Variants in TP53I3 observed in about 807,000 individuals in gnomAD.
TP53I3 encodes quinone oxidoreductase PIG3.
A neutral mutation model predicts 27.7 loss-of-function variants in TP53I3; 32 were observed. The observed-to-expected ratio is 1.16, with a 90% confidence interval of 0.87 to 1.55. TP53I3 has a LOEUF of 1.55. Among genes scored for constraint, TP53I3 ranks in the 40% most tolerant of loss-of-function variants. The pLI, the probability that TP53I3 is intolerant of heterozygous loss-of-function variation, is 0.00. For synonymous variants in TP53I3, 138 were observed against 167.8 expected (o/e 0.82, Z 1.37); for missense variants, 372 against 412.3 (o/e 0.90, Z 0.85).
At chr2:24,082,360 G>A (rs1665043475) in intron 2 of TP53I3, among the ~76,000 whole-genome samples, 2 of 152,102 alleles carry the variant, frequency 1.3e-5, no homozygotes, top group South Asian at 4.1e-4. Flanking sequence ...CTTCCAAAAA[G>A]CCTTCTGACT....
chr2:24,082,017 C>A lies in TP53I3; in HGVS notation c.406+868G>T, dbSNP rs188108914. Among the ~76,000 whole-genome samples the A allele has an allele frequency of 7.5e-3, 1,135 of 152,094 alleles. 5 individuals carry two copies. Among genetic ancestry groups the A allele is most frequent in the African/African-American group, 0.026 (1,082 of 41,474 alleles). ...GCCTACTCTTTCTTTTTCTTTGAGA[C>A]AGAGTCTCACTCTACTGCCCAGGCT... On this transcript the variant is annotated intron_variant, in intron 2 of 4. Coordinates refer to ENST00000238721, the MANE Select transcript of TP53I3 (RefSeq NM_004881.5).
In TP53I3 at chr2:24,077,531, C is replaced by A; in HGVS notation, c.*48G>T. ...CTATTGTGAATCTTCTCCAGGTTTG[C>A]TCTGGAAAGGCCTGGGGTGGCCGCG... On this transcript the variant is annotated 3_prime_UTR_variant, in exon 5 of 5. Transcript: ENST00000238721. The surrounding 1 kb of genome is among the most constrained non-coding windows in gnomAD (Gnocchi z 5.5). 6.4e-7 allele frequency: 1 copy of A among 1,561,338 alleles called. No individual in the cohort carries two copies. Among genetic ancestry groups the A allele is most frequent in the Non-Finnish European group, 8.7e-7 (1 of 1,155,450 alleles).
In TP53I3 at chr2:24,084,220, G is replaced by A. The variant is rs753879437; in HGVS notation, c.107C>T (p.Ala36Val). ...TAAGTCCGCCCGGTTCAGGGCGCTG[G>A]CCGCCACCTTCAGGAGGACTTCACC... ...GEGEVLLKVA[A>V]SALNRADLMQ... The change falls in exon 1 of 5, where the codon GCC (alanine) becomes GTC (valine). Residue 36 changes from alanine to valine, a missense_variant. Coordinates refer to ENST00000238721, the MANE Select transcript of TP53I3 (RefSeq NM_004881.5). This position sits in a 1 kb window ranked among gnomAD's most constrained non-coding sequence, Gnocchi z 8.4. 2.5e-6 allele frequency: 4 copies of A among 1,613,754 alleles called. No individual in the cohort carries two copies. Among genetic ancestry groups the A allele is most frequent in the Non-Finnish European group, 3.4e-6 (4 of 1,179,890 alleles).
intron 4 of TP53I3, 121 bp downstream of exon 4, chr2:24,079,323 G>T (rs545469697): frequency 9.7e-7 from 1 of 1,033,176 alleles, no homozygotes; most frequent in South Asian, 1.7e-5. Flanking sequence ...TTCAGAGGGG[G>T]AGGTTTCTTC....
chr2:24,084,491 G>A lies in TP53I3; in HGVS notation c.-165C>T. 1.0e-6 allele frequency: 1 copy of A among 959,202 alleles called. No homozygotes were observed. Among genetic ancestry groups the A allele is most frequent in the South Asian group, 2.0e-5 (1 of 49,338 alleles). 59.4% of individuals were successfully genotyped at this position (959,202 alleles called of 1,614,324 possible). On this transcript the variant is annotated 5_prime_UTR_variant, in exon 1 of 5. Transcript: ENST00000238721. The surrounding 1 kb of genome is among the most constrained non-coding windows in gnomAD (Gnocchi z 8.4). ...AGCGCCCCCTGCCGGCCAGCGCCTCGCTGCCCTGGTCTGCCGCGGACCCGG... is the reference window on the plus strand; with the variant it reads ...AGCGCCCCCTGCCGGCCAGCGCCTCACTGCCCTGGTCTGCCGCGGACCCGG...
intron 2 of TP53I3, 21 bp from the exon 3 acceptor site, chr2:24,081,052 T>C (rs1329975248): frequency 3.7e-6 from 6 of 1,600,442 alleles, no homozygotes; most frequent in Non-Finnish European, 5.1e-6. Context: ...AAGTACAGGG[T>C]TCTCTTTACT....
In TP53I3 at chr2:24,084,340, ACAGGGCAGGG is replaced by A; in HGVS notation, c.-24_-15del. On this transcript the variant is annotated 5_prime_UTR_variant, in exon 1 of 5. Coordinates refer to ENST00000238721, the MANE Select transcript of TP53I3 (RefSeq NM_004881.5). The surrounding 1 kb of genome is among the most constrained non-coding windows in gnomAD (Gnocchi z 8.4). ...CACGGCTAACATATTGTCTGAGGAC[ACAGGGCAGGG>A]CAGGGCAGGACAGGACAGGGCAGGG... 6.8e-7 allele frequency: 1 copy of A among 1,476,438 alleles called. No individual in the cohort carries two copies. The highest frequency in any genetic ancestry group is 1.2e-5 in the South Asian group (1 of 81,316). The allele number at this position is 1,476,438 out of a possible 1,614,324, so 91.5% of individuals were successfully genotyped here. A position where few individuals can be genotyped will look rare whatever the true frequency, so the allele number is the denominator to read the frequency against.
chr2:24,077,802 C>G lies in TP53I3; in HGVS notation c.817-41G>C, dbSNP rs1402530665. On this transcript the variant is annotated intron_variant, in intron 4 of 4. Coordinates refer to ENST00000238721, the MANE Select transcript of TP53I3 (RefSeq NM_004881.5). The surrounding 1 kb of genome is among the most constrained non-coding windows in gnomAD (Gnocchi z 5.5). The stretch of plus-strand genomic sequence containing the variant: ...GGAGATCATCAGCCTGGGGAGAGAG[C>G]CTCACCCTGCCCTCCTCATCCTCCT... 2 of 1,577,608 alleles carry G rather than the reference C, an allele frequency of 1.3e-6. No homozygotes were observed. Among genetic ancestry groups the G allele is most frequent in the East Asian group, 2.2e-5 (1 of 44,644 alleles).
Position 24,079,558 on chromosome 2 carries a change from T to C in TP53I3, c.702A>G (p.Arg234=), listed in dbSNP as rs140437175. The change falls in exon 4 of 5, where the codon CGA becomes CGG. Residue 234 remains arginine (R), a synonymous_variant. Coordinates refer to ENST00000238721, the MANE Select transcript of TP53I3 (RefSeq NM_004881.5). ...CTCCCATCAGACCATAGAGAACCCA[T>C]CGACCATCAAGAGCCAGGCAGTTGA... ...KNVNCLALDG[R]WVLYGLMGGG... 4 of 1,614,108 alleles carry C rather than the reference T, an allele frequency of 2.5e-6. No individual in the cohort carries two copies. Among genetic ancestry groups the C allele is most frequent in the East Asian group, 4.5e-5 (2 of 44,868 alleles).
At chr2:24,079,133 T>C (rs1664886373) in intron 4 of TP53I3, 1 of 272,084 alleles carries the variant, frequency 3.7e-6, no homozygotes, top group Admixed American at 4.7e-5. Flanking sequence ...AGATGAATTC[T>C]GCCTTTGAAA....
At position 24,084,060 on chromosome 2, in the gene TP53I3, A is replaced by G. The variant is rs1665138224; in HGVS notation, c.138+129T>C. ...GGGCGCCCTGGGTTTAGGTCTGGGA[A>G]GCCCCAGCGCAGCTGCCTGCTGGGT... On this transcript the variant is annotated intron_variant, in intron 1 of 4. Coordinates refer to ENST00000238721, the MANE Select transcript of TP53I3 (RefSeq NM_004881.5). The surrounding 1 kb of genome is among the most constrained non-coding windows in gnomAD (Gnocchi z 8.4). 7.2e-7 allele frequency: 1 copy of G among 1,391,098 alleles called. No individual in the cohort carries two copies. The allele number at this position is 1,391,098 out of a possible 1,614,324, so 86.2% of individuals were successfully genotyped here.
At chr2:24,078,564 A>G (rs968279427) in intron 4 of TP53I3, among the ~76,000 whole-genome samples, 1 of 152,008 alleles carries the variant, frequency 6.6e-6, no homozygotes, top group Admixed American at 6.6e-5. Flanking sequence ...CCAGCTGAAG[A>G]GACCACATAG....
At position 24,080,045 on chromosome 2, in the gene TP53I3, C is replaced by G. The variant is rs897404848; in HGVS notation, c.620-405G>C. On this transcript the variant is annotated intron_variant, in intron 3 of 4. Coordinates refer to ENST00000238721, the MANE Select transcript of TP53I3 (RefSeq NM_004881.5). This position sits in a 1 kb window ranked among gnomAD's most constrained non-coding sequence, Gnocchi z 4.7. ...ATAGGCTTTCTAGCTTTGGTTTCAT[C>G]TCTCCTTTTCTACTCACATAAAAAA... 6.6e-5 allele frequency among the ~76,000 whole-genome samples: 10 copies of G among 152,108 alleles called. No homozygotes were observed. Among genetic ancestry groups the G allele is most frequent in the Admixed American group, 2.6e-4 (4 of 15,270 alleles).
rs777073947 is a variant in TP53I3 at position 24,084,350 on chromosome 2, G to A, written c.-24C>T. 1.3e-5 allele frequency: 18 copies of A among 1,399,394 alleles called. No individual in the cohort carries two copies. Among genetic ancestry groups the A allele is most frequent in the Middle Eastern group, 3.7e-4 (2 of 5,382 alleles). 86.7% of individuals were successfully genotyped at this position (1,399,394 alleles called of 1,614,324 possible). ...ATATTGTCTGAGGACACAGGGCAGG[G>A]CAGGGCAGGACAGGACAGGGCAGGG... On this transcript the variant is annotated 5_prime_UTR_variant, in exon 1 of 5. Coordinates refer to ENST00000238721, the MANE Select transcript of TP53I3 (RefSeq NM_004881.5). This position sits in a 1 kb window ranked among gnomAD's most constrained non-coding sequence, Gnocchi z 8.4.
At chr2:24,083,177 T>A in intron 1 of TP53I3, 25 bp from the exon 2 acceptor site, 33 of 1,567,456 alleles carry the variant, frequency 2.1e-5, no homozygotes, top group Non-Finnish European at 2.8e-5. Context: ...GTGCACTAAG[T>A]GGTGAGCATG....
intron 2 of TP53I3, among the ~76,000 whole-genome samples, chr2:24,082,426 C>T (rs893212278): frequency 2.0e-5 from 3 of 152,208 alleles, no homozygotes; most frequent in Non-Finnish European, 2.9e-5. Context: ...ACAGGGCTAT[C>T]CTTCTAAACT....
At chr2:24,078,332 T>C (rs756891496) in intron 4 of TP53I3, among the ~76,000 whole-genome samples, 14 of 152,066 alleles carry the variant, frequency 9.2e-5, no homozygotes, top group Non-Finnish European at 1.9e-4. Flanking sequence ...GCCTGGGAGT[T>C]TGAGATCAGC....
In TP53I3 at chr2:24,084,562, A is replaced by T. The variant is rs1372470072; in HGVS notation, c.-236T>A. ...CTGGGAAGTCCTCGGCCGCCTCCAG[A>T]CCGATCCCACCCGGAACACAGATGG... On this transcript the variant is annotated 5_prime_UTR_variant, in exon 1 of 5. Transcript: ENST00000238721. This position sits in a 1 kb window ranked among gnomAD's most constrained non-coding sequence, Gnocchi z 8.4. The T allele has an allele frequency of 4.1e-6, 2 of 489,360 alleles. No individual in the cohort carries two copies. Among genetic ancestry groups the T allele is most frequent in the Non-Finnish European group, 3.5e-6 (1 of 283,366 alleles). 30.3% of individuals were successfully genotyped at this position (489,360 alleles called of 1,614,324 possible).
At position 24,084,216 on chromosome 2, in the gene TP53I3, G is replaced by A; in HGVS notation, c.111C>T (p.Ser37=). ...GCATTAAGTCCGCCCGGTTCAGGGC[G>A]CTGGCCGCCACCTTCAGGAGGACTT... ...EGEVLLKVAA[S]ALNRADLMQR... The change falls in exon 1 of 5, where the codon AGC becomes AGT. Residue 37 remains serine (S), a synonymous_variant. Coordinates refer to ENST00000238721, the MANE Select transcript of TP53I3 (RefSeq NM_004881.5). The surrounding 1 kb of genome is among the most constrained non-coding windows in gnomAD (Gnocchi z 8.4). 5.0e-6 allele frequency: 8 copies of A among 1,613,648 alleles called. No individual in the cohort carries two copies. Among genetic ancestry groups the A allele is most frequent in the Non-Finnish European group, 6.8e-6 (8 of 1,179,894 alleles).
Sources: gnomAD v4.1 joint callset for allele counts (sites outside exome capture counted in the v4.1 genomes callset) on GRCh38, gnomAD v4.1.1 for gene constraint, Gnocchi (gnomAD v3.1) non-coding constraint, MANE v1.5 for transcripts, NCBI Gene and HGNC (gene_info 2026-07-23, HGNC 2026-07-21) for gene names.